UTRN: variants seen among roughly 807,000 people sequenced by gnomAD.
UTRN encodes the protein dystrophin-related protein 1.
Under a neutral mutation model 463.9 loss-of-function variants are expected in UTRN, and 283 were observed. That is an observed-to-expected ratio of 0.61 (90% CI 0.55 to 0.67). The LOEUF (loss-of-function observed/expected upper bound fraction) is 0.67. UTRN is among the 30% of genes least tolerant of loss of function. UTRN has a pLI of 0.00. For missense variants in UTRN, 3,922 were observed against 4,084.3 expected (o/e 0.96, Z 1.08); for synonymous variants, 1,442 against 1,431.5 (o/e 1.01, Z -0.17).
At chr6:144,478,963 A>C (rs1339872430) in intron 25 of UTRN, among the ~76,000 whole-genome samples, 3 of 152,186 alleles carry the variant, frequency 2.0e-5, no homozygotes, top group Non-Finnish European at 2.9e-5. Flanking sequence ...TGGCATATAC[A>C]AACATAGTAG....
chr6:144,502,778 G>A (rs773812176), intron 34 of UTRN, among the ~76,000 whole-genome samples: 7 of 152,136 alleles, frequency 4.6e-5, no homozygotes, highest in Admixed American at 1.3e-4. Flanking sequence ...ACCCGGTAAT[G>A]GGATTTCTGG....
At chr6:144,296,781 G>A (rs1222916464) in intron 2 of UTRN, among the ~76,000 whole-genome samples, 1 of 151,874 alleles carries the variant, frequency 6.6e-6, no homozygotes, top group Non-Finnish European at 1.5e-5. Flanking sequence ...CTCTTTTTTT[G>A]TAGTTTTCAG....
At chr6:144,364,409 T>G (rs1779336899) in intron 2 of UTRN, among the ~76,000 whole-genome samples, 1 of 152,100 alleles carries the variant, frequency 6.6e-6, no homozygotes, top group Non-Finnish European at 1.5e-5. Flanking sequence ...TGTTTTGGGT[T>G]GGTTTGTGTG....
In UTRN at chr6:144,498,970, G is replaced by C. The variant is rs372868452; in HGVS notation, c.4594-287G>C. Among the ~76,000 whole-genome samples, 102 of 152,256 alleles carry C rather than the reference G, an allele frequency of 6.7e-4. 4 individuals carry two copies. The South Asian group carries it at 0.019, about 28-fold the overall frequency. On this transcript the variant is annotated intron_variant, in intron 33 of 74. Transcript: ENST00000367545. ...TTATAGACATGAGCCACTGTGCCCA[G>C]CCTCATACCAATCTTTTGAGGGCTA... is the stretch of plus-strand genomic sequence containing the variant.
chr6:144,470,891 C>T (rs972045474), intron 23 of UTRN, among the ~76,000 whole-genome samples: 28 of 151,768 alleles, frequency 1.8e-4, no homozygotes, highest in Middle Eastern at 3.4e-3. Context: ...TCAGGCGTGG[C>T]GGCGCGCACC....
chr6:144,814,416 A>G (rs891134971), intron 65 of UTRN, among the ~76,000 whole-genome samples: 9 of 152,206 alleles, frequency 5.9e-5, no homozygotes, highest in African/African-American at 2.2e-4. Context: ...CTGTTATAGC[A>G]GACTGAATAG....
intron 2 of UTRN, among the ~76,000 whole-genome samples, chr6:144,387,163 G>C (rs777166734): frequency 1.3e-5 from 2 of 151,902 alleles, no homozygotes; most frequent in Non-Finnish European, 2.9e-5. Context: ...TTTTGAGATG[G>C]AGGCTCATTC....
intron 5 of UTRN, 42 bp from the exon 6 acceptor site, chr6:144,423,944 T>C: frequency 6.3e-7 from 1 of 1,595,372 alleles, no homozygotes; most frequent in Non-Finnish European, 8.6e-7. Flanking sequence ...AGAAATTGTC[T>C]TAAAAGCGTT....
Position 144,470,158 on chromosome 6 carries a change from C to A in UTRN, c.3067-3562C>A, listed in dbSNP as rs533486085. ...TCCTTCTTTTCCCCACACTTCCCCC[C>A]CTTCTATTCCACAAAACTGCCATCG... is the stretch of plus-strand genomic sequence containing the variant. On this transcript the variant is annotated intron_variant, in intron 23 of 74. Transcript: ENST00000367545. Among the ~76,000 whole-genome samples the A allele has an allele frequency of 3.3e-4, 51 of 152,378 alleles. 1 individual carries two copies. The East Asian group carries it at 6.6e-3, about 20-fold the overall frequency.
intron 3 of UTRN, among the ~76,000 whole-genome samples, chr6:144,421,246 G>A (rs985281659): frequency 2.0e-5 from 3 of 151,960 alleles, no homozygotes; most frequent in Middle Eastern, 3.2e-3. Context: ...AGCTTGCCTC[G>A]GCCTCCCAAG....
intron 53 of UTRN, among the ~76,000 whole-genome samples, chr6:144,709,526 G>T (rs888821937): frequency 6.6e-6 from 1 of 152,084 alleles, no homozygotes; most frequent in Admixed American, 6.6e-5. Context: ...ATTAGCCAAG[G>T]TTTTTTATTC....
intron 50 of UTRN, among the ~76,000 whole-genome samples, chr6:144,563,846 G>A (rs991837158): frequency 3.3e-5 from 5 of 152,082 alleles, no homozygotes; most frequent in African/African-American, 9.7e-5. Context: ...TGCCAACAAT[G>A]TCTTTGTGAT....
chr6:144,816,688 A>C (rs1048681744), intron 65 of UTRN, among the ~76,000 whole-genome samples: 6 of 149,354 alleles, frequency 4.0e-5, no homozygotes, highest in African/African-American at 1.5e-4. Context: ...ATCTTTTTTA[A>C]GTAGCTGGGA....
At chr6:144,348,320 C>T (rs998205863) in intron 2 of UTRN, among the ~76,000 whole-genome samples, 1 of 152,106 alleles carries the variant, frequency 6.6e-6, no homozygotes, top group African/African-American at 2.4e-5. Flanking sequence ...AGGTTAGGAC[C>T]TGGAAAGGAT....
intron 8 of UTRN, 40 bp from the exon 9 acceptor site, chr6:144,429,539 GAC>G: frequency 2.6e-6 from 4 of 1,556,788 alleles, no homozygotes; most frequent in Non-Finnish European, 3.5e-6. Context: ...ACATATTTTG[GAC>G]ACCTAATTTA....
chr6:144,541,764 AGGTGGAGCACCTGCTT>A (rs1797993760), intron 45 of UTRN, among the ~76,000 whole-genome samples: 1 of 152,208 alleles, frequency 6.6e-6, no homozygotes, highest in South Asian at 2.1e-4. Flanking sequence ...GGGTACATAA[AGGTGGAGCACCTGCTT>A]GGCTTTGAGG....
At chr6:144,668,581 G>A (rs1181087501) in intron 51 of UTRN, among the ~76,000 whole-genome samples, 1 of 152,136 alleles carries the variant, frequency 6.6e-6, no homozygotes, top group African/African-American at 2.4e-5. Context: ...CCAAGATCAT[G>A]GCACTGGCAG....
intron 2 of UTRN, among the ~76,000 whole-genome samples, chr6:144,400,066 A>G (rs187925576): frequency 2.2e-3 from 329 of 152,254 alleles, no homozygotes; most frequent in African/African-American, 6.5e-3. Context: ...CCTCTAATGG[A>G]GAAAGGTCAT....
At chr6:144,356,492 C>T (rs1199378689) in intron 2 of UTRN, among the ~76,000 whole-genome samples, 2 of 152,152 alleles carry the variant, frequency 1.3e-5, no homozygotes, top group Non-Finnish European at 2.9e-5. Flanking sequence ...TAAATATTCA[C>T]TATTATTATT....
Sources: allele counts gnomAD v4.1 joint callset (sites outside exome capture counted in the v4.1 genomes callset), GRCh38; gene constraint gnomAD v4.1.1; transcripts MANE v1.5; gene names NCBI Gene and HGNC (gene_info 2026-07-23, HGNC 2026-07-21).